FAM118A: variants seen among roughly 807,000 people sequenced by gnomAD.
FAM118A encodes the protein SIR2 antiphage like 2, also known as protein FAM118A.
In FAM118A, 25 loss-of-function variants were observed where a neutral mutation model predicts 38.2. That is an observed-to-expected ratio of 0.65 (90% CI 0.48 to 0.91). FAM118A has a LOEUF of 0.91. Ranked by LOEUF, FAM118A falls within the 40% of genes least tolerant of loss-of-function variation. The pLI is 0.00. For missense variants in FAM118A, 425 were observed against 463.3 expected, an observed-to-expected ratio of 0.92 and a Z score of 0.76; for synonymous variants, 178 against 184.1, an observed-to-expected ratio of 0.97 and a Z score of 0.27.
intron 6 of FAM118A, among the ~76,000 whole-genome samples, chr22:45,333,034 C>T (rs1290226889): frequency 6.6e-6 from 1 of 152,102 alleles, no homozygotes; most frequent in Non-Finnish European, 1.5e-5. Flanking sequence ...AGAGCCACCG[C>T]GCCCGGCCTG....
At position 45,337,245 on chromosome 22, in the gene FAM118A, A is replaced by C. The variant is rs187634706; in HGVS notation, c.1054+834A>C. Among the ~76,000 whole-genome samples the C allele has an allele frequency of 5.5e-3, 831 of 152,314 alleles. 2 individuals are homozygous for C. Among genetic ancestry groups the C allele is most frequent in the Non-Finnish European group, 9.8e-3 (667 of 68,030 alleles). On this transcript the variant is annotated intron_variant, in intron 8 of 8. Transcript: ENST00000441876. ...AGGACAGAAAGGAAACGAGACCCCC[A>C]GTCTGTCTGTAGGTTGATTGTAAAA...
At chr22:45,321,728 T>TA (rs1396530363) in intron 1 of FAM118A, 1 of 154,918 alleles carries the variant, frequency 6.5e-6, no homozygotes, top group Non-Finnish European at 1.4e-5. Flanking sequence ...TTGGAAAAAT[T>TA]AAAGAATATG....
At chr22:45,329,688 A>G (rs1044394402) in intron 4 of FAM118A, 1 of 152,438 alleles carries the variant, frequency 6.6e-6, no homozygotes, top group Non-Finnish European at 1.5e-5. Flanking sequence ...GGGCAGGGCC[A>G]AGGCACCCAC....
At chr22:45,336,893 A>T (rs1266864006) in intron 8 of FAM118A, among the ~76,000 whole-genome samples, 1 of 152,200 alleles carries the variant, frequency 6.6e-6, no homozygotes, top group African/African-American at 2.4e-5. Flanking sequence ...TCTCTGGAGA[A>T]AAGCACTTTA....
intron 1 of FAM118A, chr22:45,321,543 A>G (rs2084878974): frequency 6.6e-6 from 1 of 152,008 alleles, no homozygotes; most frequent in Non-Finnish European, 1.5e-5. Context: ...CAGCCTTCCT[A>G]GTAGATGGGA....
intron 1 of FAM118A, among the ~76,000 whole-genome samples, chr22:45,313,783 T>A (rs1168781196): frequency 6.6e-6 from 1 of 152,180 alleles, no homozygotes; most frequent in Non-Finnish European, 1.5e-5. Context: ...CAAAATGTAA[T>A]GACTGTTGTC....
rs374186166 is a variant in FAM118A, at chr22:45,322,503, C to G, written c.47+77C>G. The G allele has an allele frequency of 2.2e-4, 283 of 1,273,248 alleles. 2 individuals are homozygous for G. The highest frequency in any genetic ancestry group is 1.0e-3 in the South Asian group (76 of 75,594). The allele number at this position is 1,273,248 out of a possible 1,614,324, so 78.9% of individuals were successfully genotyped here. ...TCTCTCGTGAGTGTGCGCACTCGTT[C>G]TTTAGTACCTGCAAGGGCGAAAGTG... is the stretch of plus-strand genomic sequence containing the variant. On this transcript the variant is annotated intron_variant, in intron 2 of 8. Coordinates refer to ENST00000441876, the MANE Select transcript of FAM118A (RefSeq NM_017911.4).
Position 45,323,259 on chromosome 22 carries a change from C to T in FAM118A, c.132C>T (p.Pro44=), listed in dbSNP as rs139513744. The change falls in exon 3 of 9, where the codon CCC becomes CCT. Residue 44 remains proline (P), a synonymous_variant. Coordinates refer to ENST00000441876, the MANE Select transcript of FAM118A (RefSeq NM_017911.4). ...CTGGCGTCAGCGCAGCAGTGGCCCC[C>T]GGAATCCCTGCCCTTTGCTCGTGGA... ...IGTGVSAAVA[P]GIPALCSWRS... The T allele has an allele frequency of 1.9e-4, 309 of 1,614,088 alleles. No homozygotes were observed. Among genetic ancestry groups the T allele is most frequent in the Non-Finnish European group, 2.5e-4 (291 of 1,180,014 alleles).
intron 5 of FAM118A, among the ~76,000 whole-genome samples, chr22:45,331,432 G>A (rs2085711001): frequency 6.6e-6 from 1 of 152,146 alleles, no homozygotes; most frequent in African/African-American, 2.4e-5. Flanking sequence ...CTGAAGTGCA[G>A]TGGCATGATC....
intron 1 of FAM118A, among the ~76,000 whole-genome samples, chr22:45,317,213 A>T (rs1017755614): frequency 2.6e-5 from 4 of 152,110 alleles, no homozygotes; most frequent in Non-Finnish European, 5.9e-5. Context: ...ACCTGTCTCT[A>T]CTGAAAAACC....
intron 4 of FAM118A, chr22:45,328,663 A>T (rs1431479456): frequency 1.7e-6 from 1 of 576,232 alleles, no homozygotes; most frequent in Non-Finnish European, 3.1e-6. Flanking sequence ...GGAAAGTGGC[A>T]CACTGGCAAC....
intron 8 of FAM118A, among the ~76,000 whole-genome samples, chr22:45,339,225 G>T (rs1017539877): frequency 1.3e-5 from 2 of 152,130 alleles, no homozygotes; most frequent in South Asian, 2.1e-4. Context: ...GCGAAACCCC[G>T]TCTCTACTAA....
upstream of FAM118A, chr22:45,309,356 C>G (rs1475428200): frequency 6.6e-6 from 1 of 152,186 alleles, no homozygotes; most frequent in African/African-American, 2.4e-5. Context: ...GGTACCGGCT[C>G]TCAGGGGAAG....
At chr22:45,332,349 C>A in intron 5 of FAM118A, 76 bp from the exon 6 acceptor site, 1 of 1,468,448 alleles carries the variant, frequency 6.8e-7, no homozygotes, top group Non-Finnish European at 9.3e-7. Context: ...TAAAAGCACA[C>A]ACATGTGACT....
rs746503511 is a variant in FAM118A at position 45,323,261 on chromosome 22, G to C, written c.134G>C (p.Gly45Ala). 1 of 1,614,194 alleles carries C rather than the reference G, an allele frequency of 6.2e-7. No homozygotes were observed. The highest frequency in any genetic ancestry group is 8.5e-7 in the Non-Finnish European group (1 of 1,180,016). Residue 45 changes from glycine to alanine, a missense_variant, in exon 3 of 9, where the codon GGA becomes GCA. Physicochemically the swap from Gly to Ala is moderately conservative, Grantham distance 60. Coordinates refer to ENST00000441876, the MANE Select transcript of FAM118A (RefSeq NM_017911.4). ...GTGVSAAVAP[G>A]IPALCSWRSC... is the part of the protein sequence containing the mutation. The stretch of plus-strand genomic sequence containing the variant: ...GGCGTCAGCGCAGCAGTGGCCCCCG[G>C]AATCCCTGCCCTTTGCTCGTGGAGA...
chr22:45,325,174 G>T (rs1299664053), intron 3 of FAM118A, among the ~76,000 whole-genome samples: 1 of 152,232 alleles, frequency 6.6e-6, no homozygotes, highest in African/African-American at 2.4e-5. Flanking sequence ...GGCCCTTGTT[G>T]TCCTTCAGGT....
Position 45,332,571 on chromosome 22 carries a change from G to C in FAM118A, c.798G>C (p.Glu266Asp). ...DLEHYMLVLK[E>D]NEDHFFKHQA... is the part of the protein sequence containing the mutation. ...AGCACTACATGCTTGTGCTGAAGGA[G>C]AATGAAGACCATTTCTTTAAGCATC... Residue 266 changes from glutamate to aspartate, a missense_variant, in exon 6 of 9, where the codon GAG becomes GAC. Physicochemically the swap from Glu to Asp is conservative, Grantham distance 45. Coordinates refer to ENST00000441876, the MANE Select transcript of FAM118A (RefSeq NM_017911.4). The C allele has an allele frequency of 6.2e-7, 1 of 1,614,174 alleles. No individual in the cohort carries two copies. Among genetic ancestry groups the C allele is most frequent in the Non-Finnish European group, 8.5e-7 (1 of 1,180,036 alleles).
chr22:45,323,134 C>A (rs73440450), intron 2 of FAM118A, 41 bp from the exon 3 acceptor site: 10 of 1,599,124 alleles, frequency 6.3e-6, no homozygotes, highest in Non-Finnish European at 7.7e-6. Context: ...GCAATGTTTC[C>A]GCTTTGACTT....
chr22:45,335,424 C>T lies in FAM118A; in HGVS notation c.970+42C>T, dbSNP rs1032635993. 8.1e-6 allele frequency: 13 copies of T among 1,609,392 alleles called. No homozygotes were observed. The Admixed American group carries it at 8.3e-5, about 10-fold the overall frequency. ...TTCTTGCCAGCCTGTTTTTTGCCTACACATTCCATTGTCTTCTGTCACTAA... is the reference window on the plus strand; with the variant it reads ...TTCTTGCCAGCCTGTTTTTTGCCTATACATTCCATTGTCTTCTGTCACTAA... On this transcript the variant is annotated intron_variant, in intron 7 of 8. Transcript: ENST00000441876.
Sources: allele counts gnomAD v4.1 joint callset (sites outside exome capture counted in the v4.1 genomes callset), GRCh38; gene constraint gnomAD v4.1.1; transcripts MANE v1.5; gene names NCBI Gene and HGNC (gene_info 2026-07-23, HGNC 2026-07-21).